The following WNT4 variants were observed in gnomAD, a reference collection of about 807,000 sequenced individuals.
The protein encoded by WNT4 is Wnt family member 4.
In WNT4, 16 loss-of-function variants were observed where a neutral mutation model predicts 34.5. The ratio of observed to expected loss-of-function variants is 0.46; its 90% CI spans 0.31 to 0.70. WNT4 has a LOEUF of 0.70. Ranked by LOEUF, WNT4 falls within the 30% of genes least tolerant of loss-of-function variation. The probability of loss-of-function intolerance (pLI) is 0.04; values close to 1 mark genes in which losing one functional copy is unlikely to be tolerated. For synonymous variants in WNT4, 200 were observed against 211.9 expected, an observed-to-expected ratio of 0.94 and a Z score of 0.49; for missense variants, 379 against 495.9, an observed-to-expected ratio of 0.76 and a Z score of 2.24.
intron 1 of WNT4, among the ~76,000 whole-genome samples, chr1:22,141,205 A>T (rs937802440): frequency 6.6e-6 from 1 of 152,224 alleles, no homozygotes; most frequent in African/African-American, 2.4e-5. Flanking sequence ...TTTCCACTGC[A>T]GATGTCGCTG....
At chr1:22,120,948 T>A (rs1645892740) in intron 4 of WNT4, among the ~76,000 whole-genome samples, 1 of 151,902 alleles carries the variant, frequency 6.6e-6, no homozygotes. Context: ...TGAGTGTGTG[T>A]GAGAGACAGG....
At chr1:22,130,242 C>T (rs539785914) in intron 1 of WNT4, among the ~76,000 whole-genome samples, 1 of 151,046 alleles carries the variant, frequency 6.6e-6, no homozygotes, top group South Asian at 2.1e-4. Flanking sequence ...AGGCTGGAGC[C>T]GCTGTCTGCC....
chr1:22,121,570 C>T lies in WNT4; in HGVS notation c.320G>A (p.Arg107Gln), dbSNP rs758187359. 7 of 1,613,176 alleles carry T rather than the reference C, an allele frequency of 4.3e-6. No homozygotes were observed. Among genetic ancestry groups the T allele is most frequent in the Non-Finnish European group, 5.1e-6 (6 of 1,180,008 alleles). Reference protein sequence around the residue: ...VFGKVVTQGTREAAFVYAISS... With the variant: ...VFGKVVTQGTQEAAFVYAISS... ...GATGGCGTACACGAAGGCCGCCTCC[C>T]GAGTCCCTGTGGGAGGCAGAGGGAG... The change falls in exon 3 of 5, where the codon CGG becomes CAG. Residue 107 changes from arginine (R) to glutamine (Q), a missense_variant. Transcript: ENST00000290167.
At chr1:22,138,149 C>T (rs746688385) in intron 1 of WNT4, among the ~76,000 whole-genome samples, 8 of 152,230 alleles carry the variant, frequency 5.3e-5, no homozygotes, top group Admixed American at 2.0e-4. Flanking sequence ...TAATATGAAA[C>T]GGTTCTATAG....
At position 22,134,341 on chromosome 1, in the gene WNT4, A is replaced by G. The variant is rs1646005823; in HGVS notation, c.78-4490T>C. ...CGGGCCAGTGGGGGCGAAAGTGACC[A>G]CAGTCCCCATCTAGGACTGTGTTCT... On this transcript the variant is annotated intron_variant, in intron 1 of 4. Transcript: ENST00000290167. The surrounding 1 kb of genome is among the most constrained non-coding windows in gnomAD (Gnocchi z 4.1). Among the ~76,000 whole-genome samples, 2 of 152,282 alleles carry G rather than the reference A, an allele frequency of 1.3e-5. No homozygotes were observed. The highest frequency in any genetic ancestry group is 4.1e-4 in the South Asian group (2 of 4,824).
chr1:22,136,964 T>G (rs11805891), intron 1 of WNT4, among the ~76,000 whole-genome samples: 11,061 of 152,124 alleles, frequency 0.073, 612 homozygotes, highest in African/African-American at 0.13. Context: ...ATTTCAGGGC[T>G]TGTGTGTGAA....
intron 4 of WNT4, among the ~76,000 whole-genome samples, chr1:22,120,896 G>A (rs558299801): frequency 1.4e-4 from 22 of 152,314 alleles, no homozygotes; most frequent in African/African-American, 5.1e-4. Flanking sequence ...CGTGGTGATG[G>A]AGAGAAAGGT....
chr1:22,127,191 C>T, intron 2 of WNT4: 1 of 437,840 alleles, frequency 2.3e-6, no homozygotes, highest in Non-Finnish European at 4.8e-6. Context: ...TGTCCCTCTC[C>T]AAAGGGGATT....
chr1:22,125,565 C>T (rs930748127), intron 2 of WNT4, among the ~76,000 whole-genome samples: 2 of 152,210 alleles, frequency 1.3e-5, no homozygotes, highest in African/African-American at 2.4e-5. Flanking sequence ...AATGGACAGA[C>T]AGGCCTGGGT....
chr1:22,121,125 T>C, intron 4 of WNT4, 86 bp downstream of exon 4: 1 of 1,567,368 alleles, frequency 6.4e-7, no homozygotes, highest in Non-Finnish European at 8.6e-7. Flanking sequence ...ACAAATGTTT[T>C]CTGAGTGGCC....
In WNT4 at chr1:22,121,474, T is replaced by G; in HGVS notation, c.416A>C (p.Asp139Ala). The change falls in exon 3 of 5, where the codon GAC becomes GCC. Residue 139 changes from aspartate to alanine, a missense_variant. By Grantham distance (126) the Asp-to-Ala change is moderately radical. Coordinates refer to ENST00000290167, the MANE Select transcript of WNT4 (RefSeq NM_030761.5). ...SSGELEKCGC[D>A]RTVHGVSPQG... The stretch of plus-strand genomic sequence containing the variant: ...TGGGCTGACCCCATGCACTGTCCTG[T>G]CACAGCCGCACTTCTCCAGCTCCCC... The G allele has an allele frequency of 6.2e-7, 1 of 1,613,994 alleles. No homozygotes were observed.
chr1:22,127,380 G>T (rs1223046348), intron 2 of WNT4: 2 of 533,194 alleles, frequency 3.8e-6, no homozygotes, highest in African/African-American at 3.9e-5. Context: ...GGCCAGCATT[G>T]CCCCAGGCTA....
chr1:22,134,859 G>A lies in WNT4; in HGVS notation c.78-5008C>T, dbSNP rs1646010149. Among the ~76,000 whole-genome samples, 1 of 152,006 alleles carries A rather than the reference G, an allele frequency of 6.6e-6. No individual in the cohort carries two copies. The highest frequency in any genetic ancestry group is 2.1e-4 in the South Asian group (1 of 4,818). ...TGCTCATTTGTGTGTGTGTTTTTTT[G>A]CTTGGGTCTCTTGGCCCTCTTAGTC... On this transcript the variant is annotated intron_variant, in intron 1 of 4. Transcript: ENST00000290167. This position sits in a 1 kb window ranked among gnomAD's most constrained non-coding sequence, Gnocchi z 4.1.
chr1:22,121,903 G>T (rs1349036355), intron 2 of WNT4, among the ~76,000 whole-genome samples: 1 of 152,174 alleles, frequency 6.6e-6, no homozygotes, highest in Non-Finnish European at 1.5e-5. Flanking sequence ...CCAGCAGACA[G>T]TCTGGCTTCA....
At chr1:22,132,838 G>T (rs1375017004) in intron 1 of WNT4, among the ~76,000 whole-genome samples, 1 of 152,050 alleles carries the variant, frequency 6.6e-6, no homozygotes, top group Non-Finnish European at 1.5e-5. Context: ...ACGAGGCCCA[G>T]CCCCATCCCC....
intron 2 of WNT4, chr1:22,127,151 T>A (rs764130060): frequency 1.0e-5 from 4 of 392,120 alleles, no homozygotes; most frequent in South Asian, 7.7e-5. Flanking sequence ...ACCTGCCGAG[T>A]GTGACTGGCT....
intron 2 of WNT4, chr1:22,127,333 G>T (rs766647573): frequency 3.2e-4 from 169 of 531,532 alleles, no homozygotes; most frequent in Non-Finnish European, 5.8e-4. Context: ...GGTAAGGAGG[G>T]CTTCTCATGG....
At position 22,129,737 on chromosome 1, in the gene WNT4, C is replaced by T. The variant is rs762998542; in HGVS notation, c.192G>A (p.Met64Ile). ...VQMCKRNLEV[M>I]DSVRRGAQLA... ...GCTGGGCACCGCGGCGCACCGAGTC[C>T]ATGACTTCCAGGTTCCGCTTGCACA... is the stretch of plus-strand genomic sequence containing the variant. The change falls in exon 2 of 5, where the codon ATG (methionine) becomes ATA (isoleucine). Residue 64 changes from methionine to isoleucine, a missense_variant. Around this residue, in one of 2 missense-constraint regions of WNT4, gnomAD observed 313 missense variants for 445.8 expected, o/e 0.70. Transcript: ENST00000290167. 1.2e-6 allele frequency: 2 copies of T among 1,614,074 alleles called. No homozygotes were observed. Among genetic ancestry groups the T allele is most frequent in the Non-Finnish European group, 8.5e-7 (1 of 1,180,046 alleles).
intron 2 of WNT4, among the ~76,000 whole-genome samples, chr1:22,123,058 GT>G (rs1645914794): frequency 6.6e-6 from 1 of 152,202 alleles, no homozygotes; most frequent in Non-Finnish European, 1.5e-5. Flanking sequence ...ATGTTGGTTG[GT>G]TTTATGCTGT....
Sources: allele counts gnomAD v4.1 joint callset (sites outside exome capture counted in the v4.1 genomes callset), GRCh38; gene constraint gnomAD v4.1.1; regional missense constraint gnomAD v4.1.1; non-coding constraint Gnocchi (gnomAD v3.1); transcripts MANE v1.5; gene names NCBI Gene and HGNC (gene_info 2026-07-23, HGNC 2026-07-21).